SLC60A1: variants seen among roughly 807,000 people sequenced by gnomAD.
The protein encoded by SLC60A1 is solute carrier family 60 member 1, also known as major facilitator superfamily domain containing 4.
At chr1:205,579,501 T>C in the SLC60A1 span, 1 of 582,690 alleles carries the variant, frequency 1.7e-6, no homozygotes, top group South Asian at 2.2e-5. Context: ...GTGCAATTGT[T>C]TGTAAGTAGA....
At chr1:205,573,460 A>C in the SLC60A1 span, among the ~76,000 whole-genome samples, 4 of 152,108 alleles carry the variant, frequency 2.6e-5, no homozygotes, top group Admixed American at 6.6e-5. Flanking sequence ...ATGCAACGGA[A>C]TATCACTCAG....
chr1:205,602,121 TATTA>T, the SLC60A1 span: 1 of 152,266 alleles, frequency 6.6e-6, no homozygotes, highest in African/African-American at 2.4e-5. Context: ...AGCAAATGGC[TATTA>T]GAGTAACTGT....
At chr1:205,589,669 C>T in the SLC60A1 span, among the ~76,000 whole-genome samples, 1 of 151,972 alleles carries the variant, frequency 6.6e-6, no homozygotes, top group South Asian at 2.1e-4. Flanking sequence ...CCAGGCTGGT[C>T]TTGAACTCCT....
chr1:205,576,495 C>T, the SLC60A1 span, among the ~76,000 whole-genome samples: 2 of 152,184 alleles, frequency 1.3e-5, no homozygotes, highest in Admixed American at 6.5e-5. Flanking sequence ...GTGGCTTGCC[C>T]AAGCCACATC....
the SLC60A1 span, chr1:205,599,168 G>C: frequency 1.9e-6 from 3 of 1,614,206 alleles, no homozygotes; most frequent in South Asian, 3.3e-5. Context: ...TTCCTGGTCT[G>C]TGGCGTGATC....
chr1:205,598,996 G>T, the SLC60A1 span: 2 of 1,184,668 alleles, frequency 1.7e-6, no homozygotes, highest in Non-Finnish European at 2.4e-6. Flanking sequence ...CCTCCTCCCC[G>T]TGATTCCATC....
the SLC60A1 span, chr1:205,586,114 C>A: frequency 9.3e-6 from 15 of 1,613,718 alleles, 1 homozygote; most frequent in South Asian, 1.6e-4. Flanking sequence ...GCTACCTCCC[C>A]AGCCTCTTCT....
the SLC60A1 span, among the ~76,000 whole-genome samples, chr1:205,576,670 AT>A: frequency 3.9e-5 from 6 of 152,146 alleles, no homozygotes; most frequent in Admixed American, 3.3e-4. Flanking sequence ...CAATAAATGT[AT>A]TTCGGTCTGG....
chr1:205,600,266 G>T, the SLC60A1 span: 1 of 748,816 alleles, frequency 1.3e-6, no homozygotes. Context: ...GAACTAGGGG[G>T]TCTGACTTTT....
chr1:205,592,290 G>A, the SLC60A1 span: 1 of 1,609,548 alleles, frequency 6.2e-7, no homozygotes, highest in Middle Eastern at 1.7e-4. Context: ...GTACAAAGGT[G>A]AGGGCCGGGC....
At chr1:205,602,882 TAA>T in the SLC60A1 span, 1 of 152,230 alleles carries the variant, frequency 6.6e-6, no homozygotes, top group African/African-American at 2.4e-5. Context: ...AACACAAATC[TAA>T]GAGTACCTTT....
At chr1:205,580,623 A>ACCCCCCCCCCC in the SLC60A1 span, 35 of 1,570,366 alleles carry the variant, frequency 2.2e-5, no homozygotes, top group South Asian at 1.1e-4. The surrounding 1 kb of genome is among the most constrained non-coding windows in gnomAD (Gnocchi z 5.0). Context: ...CTGAAGACTG[A>ACCCCCCCCCCC]CCCCCACCCC....
chr1:205,572,284 C>A, the SLC60A1 span, among the ~76,000 whole-genome samples: 3 of 152,042 alleles, frequency 2.0e-5, no homozygotes, highest in East Asian at 5.8e-4. Context: ...TCTAACCGCC[C>A]TAGGGAATTA....
the SLC60A1 span, among the ~76,000 whole-genome samples, chr1:205,585,685 CCTTT>C: frequency 4.3e-5 from 3 of 70,206 alleles, no homozygotes; most frequent in Non-Finnish European, 9.3e-5. This position sits in a 1 kb window ranked among gnomAD's most constrained non-coding sequence, Gnocchi z 4.2. Flanking sequence ...CTTGCACACA[CCTTT>C]TTTTTTTTTT....
chr1:205,595,544 C>G, the SLC60A1 span, among the ~76,000 whole-genome samples: 2 of 151,718 alleles, frequency 1.3e-5, no homozygotes, highest in Admixed American at 6.5e-5. Context: ...ACAACATGAC[C>G]CTACCAAGGG....
the SLC60A1 span, among the ~76,000 whole-genome samples, chr1:205,588,469 CAAAAAAAAAAA>C: frequency 3.5e-5 from 3 of 84,732 alleles, no homozygotes; most frequent in Non-Finnish European, 6.3e-5. Flanking sequence ...GACTTCAAAT[CAAAAAAAAAAA>C]AAAAAAAAAA....
the SLC60A1 span, chr1:205,598,015 C>A: frequency 3.0e-6 from 2 of 662,762 alleles, no homozygotes; most frequent in Admixed American, 2.6e-5. Flanking sequence ...CGTTTCCAAG[C>A]CAGCCCTGAG....
chr1:205,569,104 G>C, the SLC60A1 span: 1 of 1,514,126 alleles, frequency 6.6e-7, no homozygotes, highest in Non-Finnish European at 8.9e-7. Flanking sequence ...GGGCTGCTCC[G>C]CCGCAACCTG....
chr1:205,587,420 G>A, the SLC60A1 span, among the ~76,000 whole-genome samples: 1 of 152,138 alleles, frequency 6.6e-6, no homozygotes, highest in Non-Finnish European at 1.5e-5. Flanking sequence ...ATTTGACCTC[G>A]TGCCAGTTGA....
Sources: gnomAD v4.1 joint callset for allele counts (sites outside exome capture counted in the v4.1 genomes callset) on GRCh38, gnomAD v4.1.1 for gene constraint, Gnocchi (gnomAD v3.1) non-coding constraint, MANE v1.5 for transcripts, NCBI Gene and HGNC (gene_info 2026-07-23, HGNC 2026-07-21) for gene names.